Variants in ANKRD44 observed in about 807,000 individuals in gnomAD.
ANKRD44 encodes the protein serine/threonine-protein phosphatase 6 regulatory ankyrin repeat subunit B.
A neutral mutation model predicts 116.0 loss-of-function variants in ANKRD44; 35 were observed. That is an observed-to-expected ratio of 0.30 (90% CI 0.23 to 0.40). ANKRD44 has a LOEUF of 0.40. Among genes scored for constraint, ANKRD44 ranks in the 10% least tolerant of loss-of-function variants. The pLI is 1.00. For missense variants in ANKRD44, 1,014 were observed against 1,242.6 expected, an observed-to-expected ratio of 0.82 and a Z score of 2.77; for synonymous variants, 435 against 461.8, an observed-to-expected ratio of 0.94 and a Z score of 0.74.
chr2:197,268,687 T>A (rs2082804845), intron 1 of ANKRD44, among the ~76,000 whole-genome samples: 1 of 152,042 alleles, frequency 6.6e-6, no homozygotes, highest in African/African-American at 2.4e-5. Flanking sequence ...AAGAATGCGG[T>A]GAATGGGATA....
intron 1 of ANKRD44, among the ~76,000 whole-genome samples, chr2:197,267,619 C>A (rs1395618005): frequency 6.6e-6 from 1 of 152,204 alleles, no homozygotes; most frequent in East Asian, 1.9e-4. Flanking sequence ...TCAATTCATG[C>A]TGAAATGACA....
At chr2:197,118,010 G>C (rs2078753662) in intron 8 of ANKRD44, among the ~76,000 whole-genome samples, 1 of 151,780 alleles carries the variant, frequency 6.6e-6, no homozygotes, top group Admixed American at 6.6e-5. Context: ...TCGGGAGTTG[G>C]AGGCCAGCCT....
chr2:197,258,874 T>G (rs1427570666), intron 1 of ANKRD44, among the ~76,000 whole-genome samples: 1 of 152,238 alleles, frequency 6.6e-6, no homozygotes, highest in Non-Finnish European at 1.5e-5. Context: ...TGTTGCAAAA[T>G]GTGTCTTCTT....
At chr2:197,281,660 C>T (rs1415977534) in intron 1 of ANKRD44, among the ~76,000 whole-genome samples, 1 of 152,118 alleles carries the variant, frequency 6.6e-6, no homozygotes, top group African/African-American at 2.4e-5. Flanking sequence ...AACTTGCCAA[C>T]TGTATTTTGG....
At chr2:197,118,823 T>C (rs2078783989) in intron 8 of ANKRD44, among the ~76,000 whole-genome samples, 1 of 152,238 alleles carries the variant, frequency 6.6e-6, no homozygotes, top group African/African-American at 2.4e-5. Context: ...TATTTCTTTA[T>C]TGCATTTCAA....
Position 197,273,985 on chromosome 2 carries a change from A to ATCTATATATC in ANKRD44, c.27+36592_27+36593insGATATATAGA. ...CAAAAAAAAAAAAAAAAAAAAATATATATATATATATATATATATATATAT... is the reference window on the plus strand; with the variant it reads ...CAAAAAAAAAAAAAAAAAAAAATATATCTATATATCTATATATATATATATATATATATAT... On this transcript the variant is annotated intron_variant, in intron 1 of 27. Coordinates refer to ENST00000282272, the MANE Select transcript of ANKRD44 (RefSeq NM_001195144.2). 1.6e-4 allele frequency among the ~76,000 whole-genome samples: 3 copies of ATCTATATATC among 19,088 alleles called. 1 individual carries two copies. Among genetic ancestry groups the ATCTATATATC allele is most frequent in the Non-Finnish European group, 3.1e-4 (3 of 9,814 alleles). The allele number at this position is 19,088 out of a possible 152,430, so 12.5% of individuals were successfully genotyped here.
At chr2:197,196,735 C>A (rs2080958214) in intron 1 of ANKRD44, among the ~76,000 whole-genome samples, 1 of 152,160 alleles carries the variant, frequency 6.6e-6, no homozygotes, top group African/African-American at 2.4e-5. Context: ...TCTGTTAGCA[C>A]CTGGGTTCTT....
At chr2:197,265,605 T>C (rs2082721999) in intron 1 of ANKRD44, among the ~76,000 whole-genome samples, 1 of 152,218 alleles carries the variant, frequency 6.6e-6, no homozygotes, top group Admixed American at 6.5e-5. Context: ...TTACTGTCTC[T>C]GCCTTGTCTA....
intron 8 of ANKRD44, among the ~76,000 whole-genome samples, chr2:197,111,536 T>C (rs2125278648): frequency 6.6e-6 from 1 of 151,702 alleles, no homozygotes; most frequent in East Asian, 1.9e-4. Flanking sequence ...CTACTGGGGA[T>C]GCTAAGGTGG....
intron 5 of ANKRD44, 60 bp from the exon 6 acceptor site, chr2:197,125,528 T>C: frequency 7.0e-7 from 1 of 1,427,900 alleles, no homozygotes; most frequent in Non-Finnish European, 9.9e-7. Context: ...GCCTCCTCAC[T>C]GCCTGCAGAT....
intron 2 of ANKRD44, among the ~76,000 whole-genome samples, chr2:197,180,384 C>T (rs759168309): frequency 2.0e-4 from 30 of 152,310 alleles, no homozygotes; most frequent in Middle Eastern, 3.4e-3. Context: ...GCCTGGGCCA[C>T]ACTGCACCTG....
At chr2:197,304,438 G>A (rs2084008913) in intron 1 of ANKRD44, among the ~76,000 whole-genome samples, 1 of 152,246 alleles carries the variant, frequency 6.6e-6, no homozygotes, top group South Asian at 2.1e-4. Context: ...TCTGGAACTT[G>A]AAGCTGTTTG....
intron 16 of ANKRD44, among the ~76,000 whole-genome samples, chr2:197,066,708 T>C (rs1277543076): frequency 2.6e-5 from 4 of 152,018 alleles, no homozygotes; most frequent in African/African-American, 7.3e-5. Context: ...ATAAAACACC[T>C]AGGAATCCAA....
chr2:197,137,796 T>C (rs1178428523), intron 3 of ANKRD44, among the ~76,000 whole-genome samples: 1 of 152,226 alleles, frequency 6.6e-6, no homozygotes, highest in African/African-American at 2.4e-5. Flanking sequence ...GAGCCACTGA[T>C]GAATTGTTGC....
chr2:196,973,638 T>G (rs1385212197), intron 21 of ANKRD44, among the ~76,000 whole-genome samples: 1 of 152,228 alleles, frequency 6.6e-6, no homozygotes, highest in South Asian at 2.1e-4. Context: ...AACAGTTTCC[T>G]TATTGCCTAT....
chr2:197,263,269 T>C (rs1037512574), intron 1 of ANKRD44: 2 of 588,344 alleles, frequency 3.4e-6, no homozygotes, highest in African/African-American at 1.9e-5. Flanking sequence ...TTACCTCACT[T>C]GTCCCTGGCC....
At chr2:197,241,329 T>C (rs1447506189) in intron 1 of ANKRD44, among the ~76,000 whole-genome samples, 1 of 152,250 alleles carries the variant, frequency 6.6e-6, no homozygotes, top group Non-Finnish European at 1.5e-5. Context: ...AAAGGGTTTC[T>C]TTCTTGCAGA....
intron 16 of ANKRD44, among the ~76,000 whole-genome samples, chr2:197,037,782 G>A (rs541724306): frequency 6.6e-6 from 1 of 152,116 alleles, no homozygotes; most frequent in East Asian, 1.9e-4. Flanking sequence ...TACAAACAAT[G>A]ACAAAAAACA....
At chr2:197,239,105 A>T (rs989926074) in intron 1 of ANKRD44, among the ~76,000 whole-genome samples, 2 of 152,224 alleles carry the variant, frequency 1.3e-5, no homozygotes, top group East Asian at 3.8e-4. Flanking sequence ...CAAGTCCAGC[A>T]ATCTCACCCA....
Sources: allele counts gnomAD v4.1 joint callset (sites outside exome capture counted in the v4.1 genomes callset), GRCh38; gene constraint gnomAD v4.1.1; transcripts MANE v1.5; gene names NCBI Gene and HGNC (gene_info 2026-07-23, HGNC 2026-07-21).